PSD3: variants seen among roughly 807,000 people sequenced by gnomAD.
PSD3 encodes the protein pleckstrin and Sec7 domain containing 3.
A neutral mutation model predicts 105.5 loss-of-function variants in PSD3; 49 were observed. The ratio of observed to expected loss-of-function variants is 0.46; its 90% confidence interval spans 0.37 to 0.59. The LOEUF (loss-of-function observed/expected upper bound fraction) is 0.59. Among genes scored for constraint, PSD3 ranks in the 20% least tolerant of loss-of-function variants. PSD3 has a pLI of 0.00. For missense variants in PSD3, 1,561 were observed against 1,263.8 expected (o/e 1.24, Z -3.57); for synonymous variants, 557 against 457.8 (o/e 1.22, Z -2.77).
intron 4 of PSD3, among the ~76,000 whole-genome samples, chr8:18,861,777 A>G (rs1008628826): frequency 6.6e-6 from 1 of 152,174 alleles, no homozygotes; most frequent in Non-Finnish European, 1.5e-5. Flanking sequence ...AAATATCCAC[A>G]AATTAGAACT....
chr8:19,073,652 A>C (rs966272955), intron 1 of PSD3, among the ~76,000 whole-genome samples: 53 of 151,192 alleles, frequency 3.5e-4, no homozygotes, highest in Non-Finnish European at 4.4e-5. Context: ...CAATCTGTAC[A>C]GGACTGTTGT....
intron 12 of PSD3, among the ~76,000 whole-genome samples, chr8:18,582,136 G>C (rs953223689): frequency 2.0e-5 from 3 of 152,086 alleles, no homozygotes; most frequent in African/African-American, 7.2e-5. Context: ...TCACAGGAAG[G>C]GGAATATGAG....
chr8:18,971,406 G>C (rs1475048806), intron 1 of PSD3, among the ~76,000 whole-genome samples: 3 of 152,172 alleles, frequency 2.0e-5, no homozygotes, highest in Non-Finnish European at 4.4e-5. Context: ...CCTGAATACT[G>C]TCATGAGGAC....
At chr8:18,899,556 C>A (rs574480511) in intron 2 of PSD3, among the ~76,000 whole-genome samples, 24 of 152,142 alleles carry the variant, frequency 1.6e-4, no homozygotes, top group African/African-American at 5.8e-4. Flanking sequence ...GTCCTTATGA[C>A]CCCCTGATGT....
At chr8:18,934,541 G>T (rs1170200435) in intron 2 of PSD3, among the ~76,000 whole-genome samples, 1 of 152,206 alleles carries the variant, frequency 6.6e-6, no homozygotes, top group Non-Finnish European at 1.5e-5. Context: ...CTCCCGAGTA[G>T]CTGTGACTAC....
chr8:18,988,949 C>A (rs897719549), intron 1 of PSD3, among the ~76,000 whole-genome samples: 1 of 152,310 alleles, frequency 6.6e-6, no homozygotes. Context: ...CAAGCCAGGG[C>A]CGAGCCCACC....
chr8:18,955,670 C>T (rs186381791), intron 1 of PSD3, among the ~76,000 whole-genome samples: 349 of 152,304 alleles, frequency 2.3e-3, no homozygotes, highest in African/African-American at 8.0e-3. Context: ...GCTGAGCTGT[C>T]CTCCAGAGAG....
intron 9 of PSD3, among the ~76,000 whole-genome samples, chr8:18,761,315 G>A (rs181375781): frequency 2.6e-5 from 4 of 152,248 alleles, no homozygotes; most frequent in Non-Finnish European, 4.4e-5. Context: ...GACTACTGCC[G>A]CTAATCTCAC....
At chr8:18,937,100 C>A (rs1352381556) in intron 1 of PSD3, among the ~76,000 whole-genome samples, 1 of 152,192 alleles carries the variant, frequency 6.6e-6, no homozygotes, top group Non-Finnish European at 1.5e-5. Flanking sequence ...CTCTGAACTC[C>A]TAAGACCTCC....
chr8:18,736,600 G>T (rs1053368888), intron 9 of PSD3, among the ~76,000 whole-genome samples: 12 of 152,048 alleles, frequency 7.9e-5, no homozygotes, highest in African/African-American at 2.7e-4. Flanking sequence ...TCATCAATGG[G>T]GCTGTAGTTC....
chr8:18,925,732 G>A (rs1821321064), intron 2 of PSD3, among the ~76,000 whole-genome samples: 1 of 152,106 alleles, frequency 6.6e-6, no homozygotes, highest in Non-Finnish European at 1.5e-5. Flanking sequence ...CGAGAGAGAA[G>A]TCGAAGTCAA....
At chr8:19,051,806 C>T (rs182454165) in intron 1 of PSD3, among the ~76,000 whole-genome samples, 1 of 152,308 alleles carries the variant, frequency 6.6e-6, no homozygotes, top group East Asian at 1.9e-4. Flanking sequence ...GCTCACACAT[C>T]TGTTTCAGGG....
At chr8:18,880,366 A>C (rs757713363) in intron 2 of PSD3, among the ~76,000 whole-genome samples, 10 of 152,200 alleles carry the variant, frequency 6.6e-5, no homozygotes, top group Non-Finnish European at 1.2e-4. Flanking sequence ...TTCAAAACTG[A>C]GTATTTCCAG....
chr8:19,073,837 C>A (rs1352268351), intron 1 of PSD3, among the ~76,000 whole-genome samples: 3 of 151,038 alleles, frequency 2.0e-5, no homozygotes, highest in Non-Finnish European at 2.9e-5. Context: ...GTCGCCCAGG[C>A]TGGAGTGCAG....
At chr8:18,752,500 TA>T (rs1490668656) in intron 9 of PSD3, among the ~76,000 whole-genome samples, 2,705 of 20,992 alleles carry the variant, frequency 0.13, 212 homozygotes, top group African/African-American at 0.24. Context: ...ATAATATATA[TA>T]ATATATATAA....
At chr8:18,590,791 A>T (rs1803544198) in intron 12 of PSD3, among the ~76,000 whole-genome samples, 1 of 152,348 alleles carries the variant, frequency 6.6e-6, no homozygotes, top group Non-Finnish European at 1.5e-5. Flanking sequence ...TTTATAAATG[A>T]TCTAGGGACA....
At chr8:18,992,485 C>A (rs377348836) in intron 1 of PSD3, among the ~76,000 whole-genome samples, 1 of 152,138 alleles carries the variant, frequency 6.6e-6, no homozygotes, top group East Asian at 1.9e-4. Context: ...CTTATCCTTT[C>A]AATAAAAAGA....
intron 2 of PSD3, among the ~76,000 whole-genome samples, chr8:18,887,295 T>C (rs1233759027): frequency 6.6e-6 from 1 of 152,226 alleles, no homozygotes; most frequent in Non-Finnish European, 1.5e-5. Context: ...TCTCACTGCT[T>C]AGTGATGCTA....
intron 1 of PSD3, among the ~76,000 whole-genome samples, chr8:18,954,748 C>T (rs1298202928): frequency 3.9e-5 from 6 of 152,104 alleles, no homozygotes; most frequent in Admixed American, 6.6e-5. Flanking sequence ...ATTCTGTTTT[C>T]GCAGGCCTGC....
Sources: gnomAD v4.1 joint callset for allele counts (sites outside exome capture counted in the v4.1 genomes callset) on GRCh38, gnomAD v4.1.1 for gene constraint, MANE v1.5 for transcripts, NCBI Gene and HGNC (gene_info 2026-07-23, HGNC 2026-07-21) for gene names.